Variants in GRM3 observed in about 807,000 individuals in gnomAD.
GRM3 encodes glutamate metabotropic receptor 3, also known as metabotropic glutamate receptor 3.
In GRM3, 26 loss-of-function variants were observed where a neutral mutation model predicts 70.5. That is an observed-to-expected ratio of 0.37 (90% confidence interval 0.27 to 0.51). GRM3 has a LOEUF of 0.51. Ranked by LOEUF, GRM3 falls within the 20% of genes least tolerant of loss-of-function variation. The pLI, the probability that GRM3 is intolerant of heterozygous loss-of-function variation, is 0.93. For synonymous variants in GRM3, 443 were observed against 434.9 expected, an observed-to-expected ratio of 1.02 and a Z score of -0.23; for missense variants, 859 against 1,123.8, an observed-to-expected ratio of 0.76 and a Z score of 3.37.
intron 3 of GRM3, among the ~76,000 whole-genome samples, chr7:86,834,125 CTTTT>C (rs1224331889): frequency 6.6e-6 from 1 of 152,094 alleles, no homozygotes; most frequent in Non-Finnish European, 1.5e-5. Flanking sequence ...TTTATAATTT[CTTTT>C]TTATCAAAAT....
chr7:86,840,154 A>C (rs1798533703), intron 4 of GRM3, among the ~76,000 whole-genome samples: 1 of 152,206 alleles, frequency 6.6e-6, no homozygotes, highest in African/African-American at 2.4e-5. Flanking sequence ...TCATTTACCC[A>C]ATTTATAATC....
intron 1 of GRM3, among the ~76,000 whole-genome samples, chr7:86,711,659 C>A (rs188546309): frequency 8.5e-5 from 13 of 152,208 alleles, no homozygotes; most frequent in Middle Eastern, 3.4e-3. Flanking sequence ...TGTTCAGTAA[C>A]AATTCACCAT....
intron 3 of GRM3, among the ~76,000 whole-genome samples, chr7:86,835,450 G>A (rs926077381): frequency 6.6e-6 from 1 of 152,006 alleles, no homozygotes; most frequent in Non-Finnish European, 1.5e-5. Context: ...GGATTTTTTG[G>A]ACTGATAAGT....
At chr7:86,829,290 G>T (rs536802851) in intron 3 of GRM3, among the ~76,000 whole-genome samples, 2 of 152,310 alleles carry the variant, frequency 1.3e-5, no homozygotes, top group Non-Finnish European at 2.9e-5. Context: ...CGTCTGATTT[G>T]ATGTTCTATC....
At chr7:86,827,906 A>T (rs566886135) in intron 3 of GRM3, among the ~76,000 whole-genome samples, 84 of 152,156 alleles carry the variant, frequency 5.5e-4, no homozygotes, top group African/African-American at 2.0e-3. Flanking sequence ...AGGTCAGGAG[A>T]TGGAGACCAT....
intron 1 of GRM3, among the ~76,000 whole-genome samples, chr7:86,740,375 A>G (rs934859182): frequency 6.6e-6 from 1 of 152,124 alleles, no homozygotes; most frequent in African/African-American, 2.4e-5. Flanking sequence ...TGGGGAGAAA[A>G]CAATGAGATA....
At chr7:86,732,198 T>C (rs887386896) in intron 1 of GRM3, among the ~76,000 whole-genome samples, 3 of 151,996 alleles carry the variant, frequency 2.0e-5, no homozygotes, top group African/African-American at 7.3e-5. Flanking sequence ...AACACAAGAG[T>C]ATAAATGAAA....
chr7:86,665,734 A>G (rs995917745), intron 1 of GRM3, among the ~76,000 whole-genome samples: 19 of 152,210 alleles, frequency 1.2e-4, no homozygotes, highest in Admixed American at 7.2e-4. Context: ...AGAATTTTAT[A>G]TAAATTATCA....
intron 1 of GRM3, among the ~76,000 whole-genome samples, chr7:86,712,080 C>A (rs999815247): frequency 2.0e-5 from 3 of 152,050 alleles, no homozygotes; most frequent in Non-Finnish European, 2.9e-5. Context: ...AAGAAAACCT[C>A]AGAGGTAGTC....
At chr7:86,836,352 A>G (rs991206692) in intron 3 of GRM3, among the ~76,000 whole-genome samples, 1 of 152,356 alleles carries the variant, frequency 6.6e-6, no homozygotes, top group Admixed American at 6.5e-5. Flanking sequence ...GAAACAACAT[A>G]AATGTTAAAA....
At chr7:86,698,093 G>A (rs1387773091) in intron 1 of GRM3, among the ~76,000 whole-genome samples, 1 of 152,070 alleles carries the variant, frequency 6.6e-6, no homozygotes, top group African/African-American at 2.4e-5. Flanking sequence ...AACTGAAACA[G>A]ACATTTTAAC....
chr7:86,739,762 T>G (rs1491000093), intron 1 of GRM3, among the ~76,000 whole-genome samples: 1 of 152,134 alleles, frequency 6.6e-6, no homozygotes, highest in Non-Finnish European at 1.5e-5. Context: ...TTTTGGAAAC[T>G]TAAAAGAAGT....
At chr7:86,855,724 T>C (rs763404372) in intron 5 of GRM3, among the ~76,000 whole-genome samples, 3 of 152,148 alleles carry the variant, frequency 2.0e-5, no homozygotes, top group Non-Finnish European at 4.4e-5. Context: ...GCTACAACCA[T>C]AGAAAGCAAG....
chr7:86,851,515 G>A (rs1798754505), intron 5 of GRM3, among the ~76,000 whole-genome samples: 1 of 152,122 alleles, frequency 6.6e-6, no homozygotes, highest in African/African-American at 2.4e-5. Flanking sequence ...GGGAAGGGAG[G>A]ACAGAAAGTG....
rs556004421 is a variant in GRM3, at chr7:86,659,698, G to C, written c.-141+14826G>C. 1.8e-3 allele frequency among the ~76,000 whole-genome samples: 279 copies of C among 152,116 alleles called. 2 individuals are homozygous for C. The highest frequency in any genetic ancestry group is 6.1e-3 in the African/African-American group (255 of 41,544). On this transcript the variant is annotated intron_variant, in intron 1 of 5. Coordinates refer to ENST00000361669, the MANE Select transcript of GRM3 (RefSeq NM_000840.3). Reference sequence around the variant, plus strand: ...ATAGTCAAATATTGTATAGGTTTTTGAGCAGAGTGTATCTAATTACTTATG... The same window carrying C: ...ATAGTCAAATATTGTATAGGTTTTTCAGCAGAGTGTATCTAATTACTTATG...
At chr7:86,721,847 G>A (rs1795472108) in intron 1 of GRM3, among the ~76,000 whole-genome samples, 1 of 152,112 alleles carries the variant, frequency 6.6e-6, no homozygotes, top group Admixed American at 6.6e-5. Flanking sequence ...GGTGGCAAAT[G>A]CCACAAACTG....
chr7:86,716,387 C>G (rs1041936512), intron 1 of GRM3, among the ~76,000 whole-genome samples: 4 of 151,956 alleles, frequency 2.6e-5, no homozygotes, highest in African/African-American at 9.7e-5. Flanking sequence ...ATCCTCAAAT[C>G]AATCCTTGGT....
At chr7:86,818,895 C>T (rs868548760) in intron 3 of GRM3, among the ~76,000 whole-genome samples, 83 of 152,196 alleles carry the variant, frequency 5.5e-4, no homozygotes, top group African/African-American at 1.6e-3. Context: ...TGCAGATGTA[C>T]GCTGTTGACC....
chr7:86,794,650 T>G (rs1797505911), intron 3 of GRM3, among the ~76,000 whole-genome samples: 1 of 152,166 alleles, frequency 6.6e-6, no homozygotes, highest in African/African-American at 2.4e-5. Context: ...CCACAATACT[T>G]CTTATCACTT....
Sources: allele counts gnomAD v4.1 joint callset (sites outside exome capture counted in the v4.1 genomes callset), GRCh38; gene constraint gnomAD v4.1.1; transcripts MANE v1.5; gene names NCBI Gene and HGNC (gene_info 2026-07-23, HGNC 2026-07-21).